ABCA12: variants seen among roughly 807,000 people sequenced by gnomAD.
The protein encoded by ABCA12 is ATP binding cassette subfamily A member 12.
In ABCA12, 156 loss-of-function variants were observed where a neutral mutation model predicts 293.5. That is an observed-to-expected ratio of 0.53 (90% CI 0.47 to 0.61). The LOEUF is 0.61. Among genes scored for constraint, ABCA12 ranks in the 20% least tolerant of loss-of-function variants. The pLI is 0.00. For synonymous variants in ABCA12, 1,063 were observed against 1,108.0 expected (o/e 0.96, Z 0.81); for missense variants, 2,797 against 3,090.2 (o/e 0.91, Z 2.25).
At chr2:214,965,759 A>G (rs1179778402) in intron 39 of ABCA12, among the ~76,000 whole-genome samples, 1 of 152,206 alleles carries the variant, frequency 6.6e-6, no homozygotes, top group Non-Finnish European at 1.5e-5. Context: ...GCAGAGAAAA[A>G]GGAGCACTTT....
intron 2 of ABCA12, among the ~76,000 whole-genome samples, chr2:215,074,719 C>T (rs907352227): frequency 1.3e-5 from 2 of 151,848 alleles, no homozygotes; most frequent in Non-Finnish European, 2.9e-5. Flanking sequence ...CAAGGTGGGC[C>T]GATCATGAGG....
intron 3 of ABCA12, among the ~76,000 whole-genome samples, chr2:215,055,956 A>G (rs1701411845): frequency 6.6e-6 from 1 of 152,018 alleles, no homozygotes; most frequent in Non-Finnish European, 1.5e-5. Flanking sequence ...AAGTTTGAGA[A>G]AGTTGAGTTT....
intron 39 of ABCA12, among the ~76,000 whole-genome samples, chr2:214,961,134 A>C (rs942214071): frequency 6.6e-6 from 1 of 152,108 alleles, no homozygotes; most frequent in Non-Finnish European, 1.5e-5. Context: ...TCATATATGC[A>C]TTAAGAAACA....
chr2:214,944,181 G>GC (rs1574927707), intron 49 of ABCA12, among the ~76,000 whole-genome samples: 1 of 98,326 alleles, frequency 1.0e-5, no homozygotes, highest in East Asian at 2.3e-4. Context: ...GGTAGGCCAA[G>GC]GGGGTGTATC....
At chr2:215,078,103 G>C (rs1317629582) in intron 2 of ABCA12, among the ~76,000 whole-genome samples, 1 of 152,206 alleles carries the variant, frequency 6.6e-6, no homozygotes, top group Non-Finnish European at 1.5e-5. Context: ...GAATTCCCAA[G>C]ATCTCTCTTC....
intron 7 of ABCA12, among the ~76,000 whole-genome samples, chr2:215,042,631 A>G (rs1279754462): frequency 6.6e-5 from 10 of 152,150 alleles, no homozygotes; most frequent in Non-Finnish European, 1.3e-4. Context: ...ACATGTATAC[A>G]ATGTGTAAAG....
In ABCA12 at chr2:214,979,068, A is replaced by C. The variant is rs1197083288; in HGVS notation, c.4741-28T>G. Reference sequence around the variant, plus strand: ...AAGAGAGAAAAGTAGGAATTAAAACACTCTCCTCTCTTTACACTATAGTGC... The same window carrying C: ...AAGAGAGAAAAGTAGGAATTAAAACCCTCTCCTCTCTTTACACTATAGTGC... On this transcript the variant is annotated intron_variant, in intron 31 of 52. Transcript: ENST00000272895. 3 of 1,591,630 alleles carry C rather than the reference A, an allele frequency of 1.9e-6. No homozygotes were observed. In the African/African-American group the frequency reaches 4.0e-5, roughly 21 times the overall value.
intron 2 of ABCA12, among the ~76,000 whole-genome samples, chr2:215,089,994 T>C (rs1302914473): frequency 2.0e-5 from 3 of 152,168 alleles, no homozygotes; most frequent in Non-Finnish European, 4.4e-5. Flanking sequence ...CTGAGACAAC[T>C]GAAGAACCAC....
At chr2:215,074,531 A>T (rs1452183638) in intron 2 of ABCA12, among the ~76,000 whole-genome samples, 3 of 152,212 alleles carry the variant, frequency 2.0e-5, no homozygotes, top group Non-Finnish European at 4.4e-5. Flanking sequence ...CCAATACAAT[A>T]ATATGGGCCA....
chr2:215,107,271 C>A (rs539976064), intron 2 of ABCA12, among the ~76,000 whole-genome samples: 1 of 152,308 alleles, frequency 6.6e-6, no homozygotes, highest in African/African-American at 2.4e-5. Flanking sequence ...CACATTACAG[C>A]TTGGCTTAGT....
Position 214,987,887 on chromosome 2 carries a change from A to G in ABCA12, c.3830-94T>C, listed in dbSNP as rs1040935150. On this transcript the variant is annotated intron_variant, in intron 26 of 52. Transcript: ENST00000272895. ...CAGTAGATCCTATGTATGGTTTAGG[A>G]AGTAGTTTTATTTTTTGACACTATA... 39 of 1,487,948 alleles carry G rather than the reference A, an allele frequency of 2.6e-5. 2 individuals are homozygous for G. The South Asian group carries it at 4.7e-4, about 18-fold the overall frequency. The allele number at this position is 1,487,948 out of a possible 1,614,324, so 92.2% of individuals were successfully genotyped here. A position where few individuals can be genotyped will look rare whatever the true frequency, so the allele number is the denominator to read the frequency against.
intron 2 of ABCA12, among the ~76,000 whole-genome samples, chr2:215,109,446 T>A (rs1702526901): frequency 6.6e-6 from 1 of 152,330 alleles, no homozygotes; most frequent in Non-Finnish European, 1.5e-5. Flanking sequence ...TTTTTTAGAC[T>A]GAGTCTGATA....
At chr2:215,008,879 G>A (rs1227907399) in intron 18 of ABCA12, among the ~76,000 whole-genome samples, 2 of 152,144 alleles carry the variant, frequency 1.3e-5, no homozygotes, top group African/African-American at 4.8e-5. Context: ...GTTGGTGGGA[G>A]TGTAAATTAG....
intron 20 of ABCA12, 95 bp from the exon 21 acceptor site, chr2:215,001,832 G>T: frequency 9.3e-7 from 1 of 1,079,038 alleles, no homozygotes; most frequent in Non-Finnish European, 1.3e-6. Flanking sequence ...TACTAAACTA[G>T]ATTATAAATA....
chr2:215,010,226 T>G (rs956063464), intron 18 of ABCA12, 105 bp downstream of exon 18: 8 of 1,342,626 alleles, frequency 6.0e-6, no homozygotes, highest in Admixed American at 3.6e-5. Flanking sequence ...ATAATAATAG[T>G]AGGTAAGATA....
At chr2:214,997,660 G>T in intron 23 of ABCA12, 35 bp downstream of exon 23, 1 of 1,429,208 alleles carries the variant, frequency 7.0e-7, no homozygotes, top group South Asian at 1.2e-5. Flanking sequence ...CTATGAACAG[G>T]ACTTATTCAT....
chr2:214,995,440 A>C (rs1445700105), intron 23 of ABCA12, among the ~76,000 whole-genome samples: 1 of 152,226 alleles, frequency 6.6e-6, no homozygotes, highest in Non-Finnish European at 1.5e-5. Context: ...AGTCTGTGTT[A>C]CTAAAGTAAG....
chr2:215,119,752 A>AAAAAAAAAAAAAAAAAAAAC (rs1203424589), intron 1 of ABCA12, among the ~76,000 whole-genome samples: 1 of 142,966 alleles, frequency 7.0e-6, no homozygotes, highest in African/African-American at 2.9e-5. Flanking sequence ...AAAAAAAAAA[A>AAAAAAAAAAAAAAAAAAAAC]TGAAAACAAA....
chr2:215,122,088 T>C (rs1168843891), intron 1 of ABCA12, among the ~76,000 whole-genome samples: 10 of 152,200 alleles, frequency 6.6e-5, no homozygotes, highest in Non-Finnish European at 1.2e-4. Flanking sequence ...AATTTAAAGA[T>C]TGGTAAATTT....
Sources: allele counts gnomAD v4.1 joint callset (sites outside exome capture counted in the v4.1 genomes callset), GRCh38; gene constraint gnomAD v4.1.1; transcripts MANE v1.5; gene names NCBI Gene and HGNC (gene_info 2026-07-23, HGNC 2026-07-21).